Variants in DHRSX observed in about 807,000 individuals in gnomAD.
DHRSX encodes the protein polyprenol dehydrogenase.
DHRSX carries 31 observed loss-of-function variants against 34.0 expected under a neutral mutation model. The ratio of observed to expected loss-of-function variants is 0.91; its 90% confidence interval spans 0.69 to 1.23. DHRSX has a LOEUF of 1.23. DHRSX is among the 50% of genes most tolerant of loss of function. DHRSX has a pLI of 0.00. For missense variants in DHRSX, 414 were observed against 428.1 expected (o/e 0.97, Z 0.29); for synonymous variants, 201 against 183.8 (o/e 1.09, Z -0.76).
intron 3 of DHRSX, among the ~76,000 whole-genome samples, chrX:2,377,492 G>A (rs754761000): frequency 6.6e-6 from 1 of 152,122 alleles, no homozygotes; most frequent in East Asian, 1.9e-4. Context: ...GACAGGAGGT[G>A]ACCTCAGGCG....
intron 3 of DHRSX, among the ~76,000 whole-genome samples, chrX:2,367,586 T>C (rs938653066): frequency 3.3e-5 from 5 of 151,996 alleles, no homozygotes; most frequent in African/African-American, 1.2e-4. Flanking sequence ...CAAAGATGCA[T>C]GGAAAATAAT....
intron 3 of DHRSX, among the ~76,000 whole-genome samples, chrX:2,407,762 A>C (rs1205058725): frequency 6.6e-6 from 1 of 152,082 alleles, no homozygotes; most frequent in East Asian, 1.9e-4. Context: ...AATAACAGAG[A>C]CTGGAGACTC....
chrX:2,348,778 C>T (rs2042751363), intron 3 of DHRSX, among the ~76,000 whole-genome samples: 1 of 151,908 alleles, frequency 6.6e-6, no homozygotes, highest in African/African-American at 2.4e-5. Context: ...ACGGCAACCT[C>T]CGCCTCCCAG....
chrX:2,320,063 A>C (rs2042289482), intron 3 of DHRSX, among the ~76,000 whole-genome samples: 1 of 151,858 alleles, frequency 6.6e-6, no homozygotes. Flanking sequence ...TCCCGACCTC[A>C]GGTGATCCAC....
At chrX:2,489,868 G>C (rs138493635) in intron 1 of DHRSX, 2 of 1,613,806 alleles carry the variant, frequency 1.2e-6, no homozygotes, top group East Asian at 4.5e-5. Flanking sequence ...TGTGCACTGC[G>C]ACGTCCAGCA....
chrX:2,409,055 C>T (rs2043594544), intron 2 of DHRSX, among the ~76,000 whole-genome samples: 1 of 152,186 alleles, frequency 6.6e-6, no homozygotes, highest in Admixed American at 6.6e-5. Flanking sequence ...TGACATTCTA[C>T]TTTTCAATAG....
intron 6 of DHRSX, among the ~76,000 whole-genome samples, chrX:2,237,792 C>T (rs948757462): frequency 1.3e-5 from 2 of 152,134 alleles, no homozygotes; most frequent in Non-Finnish European, 2.9e-5. Context: ...GCATGAGCCA[C>T]CACTCCCAGC....
chrX:2,228,565 G>A lies in DHRSX; in HGVS notation c.805-7336C>T, dbSNP rs73626162. On this transcript the variant is annotated intron_variant, in intron 6 of 6. Coordinates refer to ENST00000334651, the MANE Select transcript of DHRSX (RefSeq NM_145177.3). The stretch of plus-strand genomic sequence containing the variant: ...AAAGAGAAGATAAGAGGAAGGAAGG[G>A]AGGGAGGAATTTATTCCTCAGAGCC... Among the ~76,000 whole-genome samples, 791 of 150,982 alleles carry A rather than the reference G, an allele frequency of 5.2e-3. 6 individuals carry two copies. The highest frequency in any genetic ancestry group is 0.019 in the African/African-American group (768 of 41,050).
chrX:2,309,875 T>C (rs1220190240), intron 3 of DHRSX, among the ~76,000 whole-genome samples: 1 of 152,232 alleles, frequency 6.6e-6, no homozygotes, highest in South Asian at 2.1e-4. Context: ...ATTATGCCTC[T>C]GCACCTCTGC....
chrX:2,382,415 G>A (rs922012957), intron 3 of DHRSX, among the ~76,000 whole-genome samples: 1 of 151,994 alleles, frequency 6.6e-6, no homozygotes, highest in East Asian at 1.9e-4. Flanking sequence ...TTCTTTCACA[G>A]AATCCATGAA....
At chrX:2,246,236 A>G (rs2016278474) in intron 5 of DHRSX, among the ~76,000 whole-genome samples, 1 of 152,190 alleles carries the variant, frequency 6.6e-6, no homozygotes, top group Non-Finnish European at 1.5e-5. Flanking sequence ...CATTCAAAAG[A>G]TCAAAAGAAA....
intron 1 of DHRSX, among the ~76,000 whole-genome samples, chrX:2,466,073 A>C (rs2044490873): frequency 6.6e-6 from 1 of 152,164 alleles, no homozygotes; most frequent in Admixed American, 6.6e-5. Context: ...CCATTCCTCA[A>C]CAGGACGCCA....
At chrX:2,341,354 G>T (rs1217747527) in intron 3 of DHRSX, among the ~76,000 whole-genome samples, 1 of 152,044 alleles carries the variant, frequency 6.6e-6, no homozygotes, top group Non-Finnish European at 1.5e-5. Flanking sequence ...TGAAATCGAG[G>T]TGCCTACAGG....
chrX:2,313,007 T>TA (rs780687349), intron 3 of DHRSX, among the ~76,000 whole-genome samples: 12,699 of 53,734 alleles, frequency 0.24, 938 homozygotes, highest in African/African-American at 0.43. Context: ...AAGATATATA[T>TA]TTTTTTTTTT....
chrX:2,411,772 C>T (rs781591369), intron 2 of DHRSX, among the ~76,000 whole-genome samples: 4 of 151,444 alleles, frequency 2.6e-5, no homozygotes, highest in South Asian at 2.1e-4. Context: ...CAAAGGGAAA[C>T]ATGCCGGAAG....
At chrX:2,257,949 C>T (rs1163338582) in intron 5 of DHRSX, among the ~76,000 whole-genome samples, 2 of 152,006 alleles carry the variant, frequency 1.3e-5, no homozygotes, top group Non-Finnish European at 2.9e-5. Flanking sequence ...TTTAAAGATG[C>T]GATTCAGGTA....
chrX:2,421,932 C>T (rs1415929308), intron 2 of DHRSX, among the ~76,000 whole-genome samples: 1 of 152,158 alleles, frequency 6.6e-6, no homozygotes, highest in Admixed American at 6.5e-5. Flanking sequence ...CGATTCGTAA[C>T]ATGATGACTT....
intron 3 of DHRSX, among the ~76,000 whole-genome samples, chrX:2,322,571 A>G (rs2042324956): frequency 2.1e-5 from 3 of 146,016 alleles, no homozygotes; most frequent in South Asian, 2.2e-4. Context: ...AAAAAAAAAA[A>G]GAATGAAAGT....
intron 1 of DHRSX, among the ~76,000 whole-genome samples, chrX:2,444,993 C>T (rs1415180835): frequency 6.6e-6 from 1 of 152,074 alleles, no homozygotes; most frequent in Non-Finnish European, 1.5e-5. Context: ...CCCGTCTCTA[C>T]TAAAAATACA....
Sources: allele counts gnomAD v4.1 joint callset (sites outside exome capture counted in the v4.1 genomes callset), GRCh38; gene constraint gnomAD v4.1.1; transcripts MANE v1.5; gene names NCBI Gene and HGNC (gene_info 2026-07-23, HGNC 2026-07-21).